CRYBG1: variants seen among roughly 807,000 people sequenced by gnomAD.
CRYBG1 encodes the protein beta/gamma crystallin domain-containing protein 1.
CRYBG1 carries 139 observed loss-of-function variants against 189.2 expected under a neutral mutation model. The observed-to-expected ratio is 0.73, with a 90% confidence interval of 0.64 to 0.85. The LOEUF is 0.85. Among genes scored for constraint, CRYBG1 ranks in the 40% least tolerant of loss-of-function variants. The pLI is 0.00. For missense variants in CRYBG1, 2,611 were observed against 2,675.8 expected (o/e 0.98, Z 0.53); for synonymous variants, 1,023 against 1,017.1 (o/e 1.01, Z -0.11).
intron 20 of CRYBG1, among the ~76,000 whole-genome samples, chr6:106,562,457 T>G (rs1245358313): frequency 2.0e-5 from 3 of 151,314 alleles, no homozygotes; most frequent in Non-Finnish European, 2.9e-5. Flanking sequence ...TCTCCTAGAT[T>G]ATCACAGTGC....
chr6:106,431,797 C>T (rs1771330689), intron 1 of CRYBG1, among the ~76,000 whole-genome samples: 1 of 151,992 alleles, frequency 6.6e-6, no homozygotes, highest in African/African-American at 2.4e-5. Context: ...CCCTACAGCA[C>T]CCACCCTACA....
At chr6:106,456,432 G>A (rs939117661) in intron 2 of CRYBG1, among the ~76,000 whole-genome samples, 1 of 151,892 alleles carries the variant, frequency 6.6e-6, no homozygotes, top group Non-Finnish European at 1.5e-5. Context: ...AAAGTGCTGG[G>A]ATTACAGGCA....
At chr6:106,441,782 C>A (rs959698134) in intron 1 of CRYBG1, among the ~76,000 whole-genome samples, 17 of 152,078 alleles carry the variant, frequency 1.1e-4, no homozygotes, top group African/African-American at 3.9e-4. Context: ...AGACAACTAG[C>A]AGGTGCTTGG....
At chr6:106,544,169 C>T (rs1412109509) in intron 11 of CRYBG1, among the ~76,000 whole-genome samples, 1 of 152,200 alleles carries the variant, frequency 6.6e-6, no homozygotes, top group Non-Finnish European at 1.5e-5. Context: ...TATATTTTTG[C>T]ATCTTATAGA....
intron 1 of CRYBG1, among the ~76,000 whole-genome samples, chr6:106,371,938 A>G (rs980939660): frequency 1.3e-5 from 2 of 152,208 alleles, no homozygotes; most frequent in Admixed American, 6.5e-5. Flanking sequence ...TTGTATGCCC[A>G]TGAGGAAACA....
intron 17 of CRYBG1, among the ~76,000 whole-genome samples, chr6:106,557,721 C>G (rs1774586949): frequency 1.3e-5 from 2 of 152,186 alleles, no homozygotes; most frequent in African/African-American, 2.4e-5. Context: ...GCGTAAGCCA[C>G]CATGCCCGGC....
At position 106,521,185 on chromosome 6, in the gene CRYBG1, G is replaced by A. The variant is rs1416632773; in HGVS notation, c.3977G>A (p.Ser1326Asn). ...AGTACATCACACTCCAGTTTGAAAA[G>A]TCCAAGCCACATGGAAAAATACCCG... Reference protein sequence around the residue: ...SSSTSHSSLKSPSHMEKYPQK... With the variant: ...SSSTSHSSLKNPSHMEKYPQK... Residue 1326 changes from serine to asparagine, a missense_variant, in exon 4 of 22, where the codon AGT becomes AAT. Transcript: ENST00000633556. 6.2e-7 allele frequency: 1 copy of A among 1,614,146 alleles called. No individual in the cohort carries two copies. The highest frequency in any genetic ancestry group is 8.5e-7 in the Non-Finnish European group (1 of 1,180,020).
chr6:106,408,453 G>C (rs966612529), intron 1 of CRYBG1, among the ~76,000 whole-genome samples: 1 of 152,180 alleles, frequency 6.6e-6, no homozygotes, highest in African/African-American at 2.4e-5. Context: ...ACAAAGAGGA[G>C]CTGGTACCAT....
intron 1 of CRYBG1, among the ~76,000 whole-genome samples, chr6:106,365,811 T>G (rs890543188): frequency 2.0e-5 from 3 of 151,916 alleles, no homozygotes; most frequent in Non-Finnish European, 2.9e-5. Context: ...CTCATAATCC[T>G]GTGAAAATCA....
chr6:106,525,458 CACT>C (rs1291041601), intron 6 of CRYBG1, 72 bp downstream of exon 6: 4 of 1,159,354 alleles, frequency 3.5e-6, no homozygotes, highest in Non-Finnish European at 5.2e-6. Flanking sequence ...TTTTAGTCCT[CACT>C]ACTAGTTTAA....
intron 17 of CRYBG1, among the ~76,000 whole-genome samples, chr6:106,558,113 C>G (rs1215983637): frequency 6.6e-6 from 1 of 152,030 alleles, no homozygotes; most frequent in Non-Finnish European, 1.5e-5. Flanking sequence ...CCACAGCCCT[C>G]TGACCCTTGG....
At chr6:106,542,879 G>A (rs1188053926) in intron 10 of CRYBG1, among the ~76,000 whole-genome samples, 1 of 142,828 alleles carries the variant, frequency 7.0e-6, no homozygotes, top group African/African-American at 2.6e-5. Flanking sequence ...AAACTCCTGA[G>A]CTCAAGTGAT....
chr6:106,474,591 G>A (rs1176652840), intron 2 of CRYBG1, among the ~76,000 whole-genome samples: 2 of 152,112 alleles, frequency 1.3e-5, no homozygotes, highest in African/African-American at 2.4e-5. Context: ...GAGTGTCTTC[G>A]CTTTTAAAAG....
At chr6:106,551,718 T>C in intron 13 of CRYBG1, 134 bp from the exon 14 acceptor site, 1 of 969,294 alleles carries the variant, frequency 1.0e-6, no homozygotes, top group Non-Finnish European at 1.6e-6. Context: ...TAAAGGTTAA[T>C]GGAGAATCAG....
intron 1 of CRYBG1, among the ~76,000 whole-genome samples, chr6:106,440,535 G>A (rs146846567): frequency 3.5e-4 from 53 of 152,268 alleles, no homozygotes; most frequent in African/African-American, 1.3e-3. Context: ...CCAAAGTGCT[G>A]GGATTACAGG....
rs1050406382 is a variant in CRYBG1, at chr6:106,360,799, C to A, written c.-110C>A. On this transcript the variant is annotated 5_prime_UTR_variant, in exon 1 of 22. Coordinates refer to ENST00000633556, the MANE Select transcript of CRYBG1 (RefSeq NM_001371242.2). ...TCCGCGACGAGGGGGCGGGGTCCCA[C>A]GGCGCGCTGAGAAAGGCGGGCGAGC... is the stretch of plus-strand genomic sequence containing the variant. The A allele has an allele frequency of 4.6e-6, 6 of 1,309,610 alleles. No homozygotes were observed. The highest frequency in any genetic ancestry group is 6.0e-6 in the Non-Finnish European group (6 of 998,714). The allele number at this position is 1,309,610 out of a possible 1,614,324, so 81.1% of individuals were successfully genotyped here. A position where few individuals can be genotyped will look rare whatever the true frequency, so the allele number is the denominator to read the frequency against.
chr6:106,377,003 A>T (rs968977968), intron 1 of CRYBG1, among the ~76,000 whole-genome samples: 2 of 152,234 alleles, frequency 1.3e-5, no homozygotes, highest in Admixed American at 1.3e-4. Flanking sequence ...AAAAAGGAGC[A>T]ATCAATTCTT....
chr6:106,384,007 C>T (rs1231676162), intron 1 of CRYBG1, among the ~76,000 whole-genome samples: 1 of 152,184 alleles, frequency 6.6e-6, no homozygotes, highest in Non-Finnish European at 1.5e-5. Flanking sequence ...AGCAAGTCTT[C>T]CTGCAGATGT....
At chr6:106,455,292 A>G (rs994884891) in intron 2 of CRYBG1, among the ~76,000 whole-genome samples, 1 of 152,166 alleles carries the variant, frequency 6.6e-6, no homozygotes, top group African/African-American at 2.4e-5. Context: ...CACGAATTGG[A>G]TAACTCTTTG....
Sources: gnomAD v4.1 joint callset for allele counts (sites outside exome capture counted in the v4.1 genomes callset) on GRCh38, gnomAD v4.1.1 for gene constraint, MANE v1.5 for transcripts, NCBI Gene and HGNC (gene_info 2026-07-23, HGNC 2026-07-21) for gene names.